SMUG1: variants seen among roughly 807,000 people sequenced by gnomAD.
SMUG1 encodes the protein single-strand selective monofunctional uracil DNA glycosylase.
Under a neutral mutation model 23.9 loss-of-function variants are expected in SMUG1, and 13 were observed. That is an observed-to-expected ratio of 0.54 (90% CI 0.35 to 0.86). SMUG1 has a LOEUF of 0.86. Ranked by LOEUF, SMUG1 falls within the 40% of genes least tolerant of loss-of-function variation. The pLI is 0.01. For missense variants in SMUG1, 313 were observed against 339.5 expected, an observed-to-expected ratio of 0.92 and a Z score of 0.61; for synonymous variants, 133 against 139.8, an observed-to-expected ratio of 0.95 and a Z score of 0.34.
rs537993657 is a variant in SMUG1 at position 54,181,981 on chromosome 12, C to T, written c.*115G>A. On this transcript the variant is annotated 3_prime_UTR_variant, in exon 4 of 4. Coordinates refer to ENST00000682136, the MANE Select transcript of SMUG1 (RefSeq NM_001243787.2). ...ACAGATCAAAGAATACGTTTCCCAGCGACCAGGGTGCACAGAAGGACCTTT... is the reference window on the plus strand; with the variant it reads ...ACAGATCAAAGAATACGTTTCCCAGTGACCAGGGTGCACAGAAGGACCTTT... 27 of 1,502,498 alleles carry T rather than the reference C, an allele frequency of 1.8e-5. No homozygotes were observed. Among genetic ancestry groups the T allele is most frequent in the South Asian group, 1.1e-4 (8 of 71,062 alleles). 93.1% of individuals were successfully genotyped at this position (1,502,498 alleles called of 1,614,324 possible).
chr12:54,168,697 T>G (rs1414855076), intron 3 of SMUG1: 1 of 152,218 alleles, frequency 6.6e-6, no homozygotes, highest in Non-Finnish European at 1.5e-5. Flanking sequence ...GTTCCCTACC[T>G]GGCCTGTTTC....
At chr12:54,172,236 T>C in intron 2 of SMUG1, 1 of 394,978 alleles carries the variant, frequency 2.5e-6, no homozygotes, top group Non-Finnish European at 5.4e-6. Flanking sequence ...CCCCATCACC[T>C]CTTAGATCTC....
intron 3 of SMUG1, 76 bp from the exon 4 acceptor site, chr12:54,182,699 T>G (rs2080331359): frequency 6.5e-7 from 1 of 1,528,714 alleles, no homozygotes; most frequent in Non-Finnish European, 8.8e-7. Flanking sequence ...ACTGACTTCT[T>G]TATACCTTAC....
intron 2 of SMUG1, among the ~76,000 whole-genome samples, chr12:54,184,997 C>T (rs781691826): frequency 1.1e-4 from 17 of 152,124 alleles, no homozygotes; most frequent in South Asian, 2.1e-4. Flanking sequence ...AACCCCGTCT[C>T]TACTAAAAAT....
chr12:54,160,500 C>T (rs543544299), downstream of SMUG1, among the ~76,000 whole-genome samples: 5 of 152,334 alleles, frequency 3.3e-5, no homozygotes. Flanking sequence ...CTTGGCTCTG[C>T]CTGGGCAGGC....
intron 4 of SMUG1, among the ~76,000 whole-genome samples, chr12:54,158,882 A>G (rs1940133787): frequency 6.6e-6 from 1 of 152,188 alleles, no homozygotes; most frequent in Admixed American, 6.5e-5. Flanking sequence ...TCTTTTGCTC[A>G]AGTGCACTTA....
At chr12:54,167,454 G>A (rs1565800384) in intron 3 of SMUG1, among the ~76,000 whole-genome samples, 2 of 152,142 alleles carry the variant, frequency 1.3e-5, no homozygotes, top group Admixed American at 1.3e-4. Flanking sequence ...CAAGCCTCCA[G>A]GGAGTACAGA....
intron 2 of SMUG1, among the ~76,000 whole-genome samples, chr12:54,186,330 TTTTTGTTTTG>T (rs1298341321): frequency 6.8e-6 from 1 of 147,846 alleles, no homozygotes; most frequent in Non-Finnish European, 1.5e-5. Flanking sequence ...GAATCTGTGT[TTTTTGTTTTG>T]TTTTGTTTTG....
intron 2 of SMUG1, among the ~76,000 whole-genome samples, chr12:54,173,669 G>A (rs932413824): frequency 5.7e-5 from 8 of 139,166 alleles, no homozygotes; most frequent in African/African-American, 2.2e-4. Flanking sequence ...GCGGCCGCCC[G>A]CCCCCGCCCC....
intron 2 of SMUG1, 169 bp from the exon 3 acceptor site, chr12:54,184,128 G>A (rs997698831): frequency 1.8e-5 from 9 of 495,278 alleles, no homozygotes; most frequent in Non-Finnish European, 3.1e-5. Flanking sequence ...TCAGTTCTTG[G>A]TAATGAAGGG....
downstream of SMUG1, among the ~76,000 whole-genome samples, chr12:54,161,518 C>G (rs1208508390): frequency 6.6e-6 from 1 of 152,192 alleles, no homozygotes; most frequent in African/African-American, 2.4e-5. The surrounding 1 kb of genome is among the most constrained non-coding windows in gnomAD (Gnocchi z 4.2). Context: ...TTTGCCCTAC[C>G]TAATTCCCAC....
rs1367608280 is a variant in SMUG1, at chr12:54,182,625, T to C, written c.286-2A>G. The C allele has an allele frequency of 6.2e-7, 1 of 1,603,284 alleles. No individual in the cohort carries two copies. The highest frequency in any genetic ancestry group is 1.7e-5 in the Admixed American group (1 of 58,624). ...CATGCTTACTTCCCCAAAGGGCACCTGTGAGGAAGGAGAGAGACATGAAAG... is the reference window on the plus strand; with the variant it reads ...CATGCTTACTTCCCCAAAGGGCACCCGTGAGGAAGGAGAGAGACATGAAAG... On this transcript the variant is annotated splice_acceptor_variant, in intron 3 of 3. Transcript: ENST00000682136. LOFTEE classifies it high-confidence loss of function.
In SMUG1 at chr12:54,182,502, A is replaced by C; in HGVS notation, c.407T>G (p.Val136Gly). The change falls in exon 4 of 4, where the codon GTG (valine) becomes GGG (glycine). Residue 136 changes from valine (V) to glycine (G), a missense_variant. Val to Gly is a moderately radical substitution (Grantham distance 109). Coordinates refer to ENST00000682136, the MANE Select transcript of SMUG1 (RefSeq NM_001243787.2). The stretch of plus-strand genomic sequence containing the variant: ...AAAGCCCCAGAATCGGGCACCACTC[A>C]CTTCTGACTGTGGGCACTCCAGTCC... ...VLGLECPQSE[V>G]SGARFWGFFR... 6.2e-7 allele frequency: 1 copy of C among 1,613,900 alleles called. No homozygotes were observed. Among genetic ancestry groups the C allele is most frequent in the South Asian group, 1.1e-5 (1 of 91,068 alleles).
Position 54,181,389 on chromosome 12 carries a change from C to T in SMUG1, c.*707G>A, listed in dbSNP as rs1228154116. 14 of 659,216 alleles carry T rather than the reference C, an allele frequency of 2.1e-5. No homozygotes were observed. The highest frequency in any genetic ancestry group is 3.4e-5 in the Non-Finnish European group (13 of 385,448). The allele number at this position is 659,216 out of a possible 1,614,324, so 40.8% of individuals were successfully genotyped here. ...TGAGCACCCACATGCCAAGCCCATGCAAGGCACTTTCAAGTGTGATCTCAG... is the reference window on the plus strand; with the variant it reads ...TGAGCACCCACATGCCAAGCCCATGTAAGGCACTTTCAAGTGTGATCTCAG... On this transcript the variant is annotated 3_prime_UTR_variant, in exon 4 of 4. Coordinates refer to ENST00000682136, the MANE Select transcript of SMUG1 (RefSeq NM_001243787.2).
At position 54,181,829 on chromosome 12, in the gene SMUG1, C is replaced by T; in HGVS notation, c.*267G>A. On this transcript the variant is annotated 3_prime_UTR_variant, in exon 4 of 4. Coordinates refer to ENST00000682136, the MANE Select transcript of SMUG1 (RefSeq NM_001243787.2). ...GCAGTCTGCAAGTGCAAAAGCACAC[C>T]TTCTGCAGATTCCCTACAAAGTGGG... The T allele has an allele frequency of 7.0e-7, 1 of 1,423,332 alleles. No homozygotes were observed. Among genetic ancestry groups the T allele is most frequent in the Middle Eastern group, 2.6e-4 (1 of 3,908 alleles). 88.2% of individuals were successfully genotyped at this position (1,423,332 alleles called of 1,614,324 possible).
At chr12:54,176,507 T>TCCC (rs74743496), downstream of SMUG1, among the ~76,000 whole-genome samples, 21 of 64,474 alleles carry the variant, frequency 3.3e-4, no homozygotes, top group South Asian at 1.4e-3. Context: ...GAAGATCCTG[T>TCCC]CCCCCCCCAA....
chr12:54,163,095 T>G (rs1940325646), downstream of SMUG1: 1 of 152,168 alleles, frequency 6.6e-6, no homozygotes. Flanking sequence ...TACCAGATCT[T>G]GAGGGCTGTC....
In SMUG1 at chr12:54,186,326, GTGT is replaced by G. The variant is rs528647689; in HGVS notation, c.-20+1490_-20+1492del. 2.5e-4 allele frequency among the ~76,000 whole-genome samples: 37 copies of G among 145,442 alleles called. No individual in the cohort carries two copies. In the South Asian group the frequency reaches 7.1e-3, roughly 28 times the overall value. On this transcript the variant is annotated intron_variant, in intron 2 of 3. Coordinates refer to ENST00000682136, the MANE Select transcript of SMUG1 (RefSeq NM_001243787.2). ...GGTCCCGTGTGAGGCCTGGGAATCTGTGTTTTTTGTTTTGTTTTGTTTTGTTTT... is the reference window on the plus strand; with the variant it reads ...GGTCCCGTGTGAGGCCTGGGAATCTGTTTTTGTTTTGTTTTGTTTTGTTTT...
At chr12:54,174,176 G>A (rs1258157994) in intron 2 of SMUG1, among the ~76,000 whole-genome samples, 2 of 152,136 alleles carry the variant, frequency 1.3e-5, no homozygotes, top group East Asian at 3.9e-4. Context: ...GCCAGGTAAG[G>A]AGCAAAACAC....
Sources: gnomAD v4.1 joint callset for allele counts (sites outside exome capture counted in the v4.1 genomes callset) on GRCh38, gnomAD v4.1.1 for gene constraint, Gnocchi (gnomAD v3.1) non-coding constraint, MANE v1.5 for transcripts, NCBI Gene and HGNC (gene_info 2026-07-23, HGNC 2026-07-21) for gene names.